Variants in GEMIN5 observed in about 807,000 individuals in gnomAD.
The protein encoded by GEMIN5 is gem-associated protein 5.
GEMIN5 carries 124 observed loss-of-function variants against 176.9 expected under a neutral mutation model. That is an observed-to-expected ratio of 0.70 (90% CI 0.61 to 0.81). The LOEUF is 0.81. GEMIN5 is among the 40% of genes least tolerant of loss of function. The pLI, the probability that GEMIN5 is intolerant of heterozygous loss-of-function variation, is 0.00. For missense variants in GEMIN5, 1,843 were observed against 1,814.6 expected, an observed-to-expected ratio of 1.02 and a Z score of -0.28; for synonymous variants, 673 against 665.2, an observed-to-expected ratio of 1.01 and a Z score of -0.18.
At position 154,899,362 on chromosome 5, in the gene GEMIN5, T is replaced by C. The variant is rs188113010; in HGVS notation, c.3015-52A>G. Reference sequence around the variant, plus strand: ...CAATCTGAAAAGGCTCCTCTGTGTATGGTCCTAGGAGGGGCTGTAAGACAG... The same window carrying C: ...CAATCTGAAAAGGCTCCTCTGTGTACGGTCCTAGGAGGGGCTGTAAGACAG... On this transcript the variant is annotated intron_variant, in intron 21 of 27. Transcript: ENST00000285873. The C allele has an allele frequency of 7.2e-4, 1,113 of 1,536,348 alleles. 12 individuals carry two copies. The African/African-American group carries it at 0.014, about 19-fold the overall frequency.
intron 15 of GEMIN5, 115 bp downstream of exon 15, chr5:154,911,612 C>A: frequency 3.6e-6 from 3 of 834,426 alleles, no homozygotes; most frequent in Non-Finnish European, 5.6e-6. Context: ...AGGCTCAGAC[C>A]CCTGCCCTAC....
chr5:154,927,464 G>A lies in GEMIN5; in HGVS notation c.1001C>T (p.Ser334Leu). ...FSASSEGQNH[S>L]RIVFNLCPLQ... ...AGGACATAAATTAAACACAATTCTTGAATGATTTTGCCCTTCTGATGAGGC... is the reference window on the plus strand; with the variant it reads ...AGGACATAAATTAAACACAATTCTTAAATGATTTTGCCCTTCTGATGAGGC... The change falls in exon 7 of 28, where the codon TCA becomes TTA. Residue 334 changes from serine (S) to leucine (L), a missense_variant. Ser to Leu is a moderately radical substitution (Grantham distance 145, BLOSUM62 -2). Transcript: ENST00000285873. 3.1e-6 allele frequency: 5 copies of A among 1,603,136 alleles called. No individual in the cohort carries two copies. The highest frequency in any genetic ancestry group is 4.3e-6 in the Non-Finnish European group (5 of 1,169,984).
chr5:154,892,792 T>C, intron 24 of GEMIN5: 1 of 446,088 alleles, frequency 2.2e-6, no homozygotes, highest in Non-Finnish European at 4.0e-6. Context: ...ACCTTTACAT[T>C]TGCATTTAAT....
Position 154,889,437 on chromosome 5 carries a change from G to A in GEMIN5, c.4263-20C>T, listed in dbSNP as rs751474870. 51 of 1,401,750 alleles carry A rather than the reference G, an allele frequency of 3.6e-5. 1 individual carries two copies. In the Middle Eastern group the frequency reaches 5.7e-3, roughly 157 times the overall value. The allele number at this position is 1,401,750 out of a possible 1,614,324, so 86.8% of individuals were successfully genotyped here. On this transcript the variant is annotated intron_variant, in intron 26 of 27. Coordinates refer to ENST00000285873, the MANE Select transcript of GEMIN5 (RefSeq NM_015465.5). ...TCTTTACTAGTGAAAAAAATAAAAG[G>A]TGTAAATTGTATGTCTTGCCCTGGG...
intron 4 of GEMIN5, 61 bp from the exon 5 acceptor site, chr5:154,931,638 AT>A: frequency 7.0e-7 from 1 of 1,436,118 alleles, no homozygotes; most frequent in Admixed American, 2.0e-5. Flanking sequence ...ATATAAAAAA[AT>A]TAGTTTGCAA....
intron 5 of GEMIN5, among the ~76,000 whole-genome samples, chr5:154,929,155 T>C (rs1370128067): frequency 2.0e-5 from 3 of 151,836 alleles, no homozygotes; most frequent in Non-Finnish European, 2.9e-5. Context: ...ACCCAGGAGG[T>C]GGAGCTTGCA....
chr5:154,897,563 T>C (rs915429929), intron 23 of GEMIN5, among the ~76,000 whole-genome samples: 11 of 152,214 alleles, frequency 7.2e-5, no homozygotes, highest in African/African-American at 9.6e-5. Context: ...TCTTGGTTCA[T>C]TGCAACCTCT....
In GEMIN5 at chr5:154,891,315, G is replaced by A; in HGVS notation, c.4188C>T (p.Ser1396=). The part of the protein sequence containing the change: ...RQHQKSQLCK[S]TANGPDKNEP... ...CATTCTTATCAGGACCATTTGCTGT[G>A]GATTTACAGAGTTGACTCTTTTGGT... Residue 1396 remains serine (S), a synonymous_variant, in exon 26 of 28, where the codon TCC becomes TCT. Coordinates refer to ENST00000285873, the MANE Select transcript of GEMIN5 (RefSeq NM_015465.5). 1 of 1,613,904 alleles carries A rather than the reference G, an allele frequency of 6.2e-7. No individual in the cohort carries two copies. Among genetic ancestry groups the A allele is most frequent in the Non-Finnish European group, 8.5e-7 (1 of 1,179,908 alleles).
rs1763397610 is a variant in GEMIN5 at position 154,898,429 on chromosome 5, AAC to A, written c.3345+9_3345+10del. ...CCTCTTGTATACTAGGAGATGAAAT[AAC>A]AGACTGACCTGTAGACTTTCATGCA... On this transcript the variant is annotated intron_variant, in intron 23 of 27. Transcript: ENST00000285873. 1 of 1,606,402 alleles carries A rather than the reference AAC, an allele frequency of 6.2e-7. No homozygotes were observed. The highest frequency in any genetic ancestry group is 1.3e-5 in the African/African-American group (1 of 74,916).
intron 15 of GEMIN5, among the ~76,000 whole-genome samples, chr5:154,910,313 T>TA (rs199906317): frequency 2.9e-4 from 43 of 149,612 alleles, no homozygotes; most frequent in South Asian, 4.2e-4. Context: ...TCATTTAAAA[T>TA]AAAAAAAAAA....
chr5:154,904,587 AG>A lies in GEMIN5; in HGVS notation c.2551del (p.Leu851Ter), dbSNP rs1247764748. 1 of 1,612,218 alleles carries A rather than the reference AG, an allele frequency of 6.2e-7. No individual in the cohort carries two copies. Among genetic ancestry groups the A allele is most frequent in the Non-Finnish European group, 8.5e-7 (1 of 1,178,270 alleles). ...GGATCTGTGGTCCAGGCTTGTACTC[AG>A]GGGAAGCAAGGAACGAGCTTTTCTC... The part of the protein sequence containing the change: ...KKRKARSLLP[L>X]STSLDHRSKE... On this transcript the variant is annotated frameshift_variant, in exon 18 of 28. Transcript: ENST00000285873. LOFTEE classifies it high-confidence loss of function.
rs111396162 is a variant in GEMIN5, at chr5:154,934,604, G to A, written c.509+1237C>T. The stretch of plus-strand genomic sequence containing the variant: ...TGGGATTACAGGTGTGAGCCACTGC[G>A]CCCAGCCTTATCATCAACTTTTAAA... On this transcript the variant is annotated intron_variant, in intron 3 of 27. Transcript: ENST00000285873. 1.3e-3 allele frequency among the ~76,000 whole-genome samples: 198 copies of A among 152,190 alleles called. 3 individuals are homozygous for A. Among genetic ancestry groups the A allele is most frequent in the African/African-American group, 4.5e-3 (187 of 41,524 alleles).
chr5:154,892,457 C>T lies in GEMIN5; in HGVS notation c.3690G>A (p.Ala1230=), dbSNP rs145830930. ...WDEAVQALLR[A]VVRSYDSGSF... is the part of the protein sequence containing the mutation. ...TCCCTGAGTCATAGCTCCGGACCAC[C>T]GCCCGAAGGAGCGCCTGCACAGCCT... Residue 1230 remains alanine (A), a synonymous_variant, in exon 25 of 28, where the codon GCG becomes GCA. Coordinates refer to ENST00000285873, the MANE Select transcript of GEMIN5 (RefSeq NM_015465.5). The T allele has an allele frequency of 7.0e-5, 113 of 1,614,154 alleles. No homozygotes were observed. The East Asian group carries it at 1.1e-3, about 15-fold the overall frequency.
chr5:154,934,810 T>C (rs1263646336), intron 3 of GEMIN5, among the ~76,000 whole-genome samples: 1 of 152,206 alleles, frequency 6.6e-6, no homozygotes, highest in Non-Finnish European at 1.5e-5. Flanking sequence ...TTTTCCTTAG[T>C]ACATTCGTTT....
intron 3 of GEMIN5, among the ~76,000 whole-genome samples, chr5:154,933,156 C>T (rs746721634): frequency 5.9e-4 from 90 of 152,316 alleles, no homozygotes; most frequent in Non-Finnish European, 1.1e-3. Flanking sequence ...TTCAATCAAA[C>T]CTCTCTCCTT....
intron 5 of GEMIN5, among the ~76,000 whole-genome samples, chr5:154,931,026 G>A (rs1764151148): frequency 1.3e-5 from 2 of 152,136 alleles, no homozygotes. Flanking sequence ...ATGATTGAGG[G>A]GCTCTATAAT....
At chr5:154,889,226 G>A (rs902463328) in intron 27 of GEMIN5, 95 bp downstream of exon 27, 14 of 710,864 alleles carry the variant, frequency 2.0e-5, no homozygotes, top group East Asian at 5.0e-5. Flanking sequence ...TTTAGAAACT[G>A]AACAGAGAGG....
Position 154,899,055 on chromosome 5 carries a change from G to C in GEMIN5, c.3134+136C>G. On this transcript the variant is annotated intron_variant, in intron 22 of 27. Coordinates refer to ENST00000285873, the MANE Select transcript of GEMIN5 (RefSeq NM_015465.5). ...TTCCTGATGAGTCTTATGAAACTAA[G>C]TTGAATATACATATCTTTTAAATAA... The C allele has an allele frequency of 3.7e-6, 3 of 814,538 alleles. No individual in the cohort carries two copies. The South Asian group carries it at 6.3e-5, about 17-fold the overall frequency. 50.5% of individuals were successfully genotyped at this position (814,538 alleles called of 1,614,324 possible). A position where few individuals can be genotyped will look rare whatever the true frequency, so the allele number is the denominator to read the frequency against.
In GEMIN5 at chr5:154,917,933, A is replaced by G. The variant is rs754596606; in HGVS notation, c.1671T>C (p.Asp557=). 7 of 1,600,538 alleles carry G rather than the reference A, an allele frequency of 4.4e-6. No individual in the cohort carries two copies. The highest frequency in any genetic ancestry group is 6.0e-6 in the Non-Finnish European group (7 of 1,167,922). Residue 557 remains aspartate, a splice_region_variant and synonymous_variant, in exon 12 of 28, where the codon GAT becomes GAC. Coordinates refer to ENST00000285873, the MANE Select transcript of GEMIN5 (RefSeq NM_015465.5). ...ATCTTAAAGAAGCAAATACATACCCATCTTCATTGCCAAGAGCCATGATTT... is the reference window on the plus strand; with the variant it reads ...ATCTTAAAGAAGCAAATACATACCCGTCTTCATTGCCAAGAGCCATGATTT... ...DGKIMALGNE[D]GSIEIFQIPN... is the part of the protein sequence containing the mutation.
Sources: gnomAD v4.1 joint callset for allele counts (sites outside exome capture counted in the v4.1 genomes callset) on GRCh38, gnomAD v4.1.1 for gene constraint, MANE v1.5 for transcripts, NCBI Gene and HGNC (gene_info 2026-07-23, HGNC 2026-07-21) for gene names.